Variants in YAF2 observed in about 807,000 individuals in gnomAD.
YAF2 encodes YY1-associated factor 2.
YAF2 carries 7 observed loss-of-function variants against 20.1 expected under a neutral mutation model. The ratio of observed to expected loss-of-function variants is 0.35; its 90% confidence interval spans 0.20 to 0.65. YAF2 has a LOEUF of 0.65. Ranked by LOEUF, YAF2 falls within the 30% of genes least tolerant of loss-of-function variation. YAF2 has a pLI of 0.69. For synonymous variants in YAF2, 74 were observed against 76.0 expected (o/e 0.97, Z 0.14); for missense variants, 151 against 219.2 (o/e 0.69, Z 1.96).
intron 2 of YAF2, among the ~76,000 whole-genome samples, chr12:42,210,105 T>C (rs551033215): frequency 5.9e-5 from 9 of 151,892 alleles, no homozygotes; most frequent in African/African-American, 2.2e-4. Flanking sequence ...GCCAACTAAA[T>C]GTATAATTTT....
chr12:42,161,943 G>T (rs904270870), intron 2 of YAF2, among the ~76,000 whole-genome samples, 178 bp from the exon 3 acceptor site: 1 of 151,834 alleles, frequency 6.6e-6, no homozygotes, highest in Non-Finnish European at 1.5e-5. Flanking sequence ...AGTTTTTCCC[G>T]TTCAACAAAA....
At chr12:42,199,835 AT>A in intron 2 of YAF2, among the ~76,000 whole-genome samples, 1 of 152,280 alleles carries the variant, frequency 6.6e-6, no homozygotes, top group East Asian at 1.9e-4. Context: ...AATAAAATAG[AT>A]TTTTGGGACC....
At chr12:42,190,669 T>C (rs533307873) in intron 2 of YAF2, among the ~76,000 whole-genome samples, 1 of 152,172 alleles carries the variant, frequency 6.6e-6, no homozygotes, top group African/African-American at 2.4e-5. Context: ...CTGTATGTTA[T>C]TCATGTCTTT....
At chr12:42,213,065 C>T (rs1286766074) in intron 2 of YAF2, among the ~76,000 whole-genome samples, 3 of 152,182 alleles carry the variant, frequency 2.0e-5, no homozygotes, top group Non-Finnish European at 4.4e-5. Flanking sequence ...CATTAAGAGC[C>T]AGGCACGGTG....
intron 2 of YAF2, among the ~76,000 whole-genome samples, chr12:42,214,918 C>A (rs1324202812): frequency 6.6e-6 from 1 of 152,020 alleles, no homozygotes; most frequent in Non-Finnish European, 1.5e-5. Context: ...GCAGGAGAAT[C>A]GTTTGAACCT....
rs866643007 is a variant in YAF2, at chr12:42,227,572, T to C, written c.152+10027A>G. 5.9e-3 allele frequency among the ~76,000 whole-genome samples: 764 copies of C among 130,540 alleles called. 1 individual carries two copies. Among genetic ancestry groups the C allele is most frequent in the African/African-American group, 0.022 (714 of 31,760 alleles). The allele number at this position is 130,540 out of a possible 152,430, so 85.6% of individuals were successfully genotyped here. ...GAGGAGCGTCTCTGCCCGGCCGCCC[T>C]GTCTGAGAAGTGAGGAGACCCTCTG... On this transcript the variant is annotated intron_variant, in intron 2 of 3. Transcript: ENST00000534854.
intron 2 of YAF2, among the ~76,000 whole-genome samples, chr12:42,230,713 A>G (rs756981223): frequency 3.9e-5 from 6 of 152,238 alleles, no homozygotes; most frequent in Non-Finnish European, 7.3e-5. Context: ...AGACAATGAC[A>G]GTTTCTAGCT....
At chr12:42,206,239 T>C (rs530425168) in intron 2 of YAF2, among the ~76,000 whole-genome samples, 8 of 149,004 alleles carry the variant, frequency 5.4e-5, no homozygotes, top group African/African-American at 2.0e-4. Flanking sequence ...TTTACATAAA[T>C]ATTTATTGTT....
At chr12:42,227,980 C>A (rs2137373899) in intron 2 of YAF2, among the ~76,000 whole-genome samples, 1 of 136,362 alleles carries the variant, frequency 7.3e-6, no homozygotes, top group South Asian at 2.4e-4. Context: ...GTGGGGGGGT[C>A]AGCCCCCCGC....
rs1459177962 is a variant in YAF2 at position 42,199,400 on chromosome 12, T to A, written c.153-37635A>T. On this transcript the variant is annotated intron_variant, in intron 2 of 3. Coordinates refer to ENST00000534854, the MANE Select transcript of YAF2 (RefSeq NM_005748.6). ...GTGACATAAACATTGTTCACTATGA[T>A]TTATTCAACTTTATCCTTTCTCAGT... The A allele has an allele frequency of 2.3e-5, 6 of 263,046 alleles. No individual in the cohort carries two copies. The East Asian group carries it at 7.0e-4, about 31-fold the overall frequency. The allele number at this position is 263,046 out of a possible 1,614,324, so 16.3% of individuals were successfully genotyped here.
At chr12:42,238,006 G>C in intron 1 of YAF2, 149 bp downstream of exon 1, 1 of 585,690 alleles carries the variant, frequency 1.7e-6, no homozygotes, top group Non-Finnish European at 2.4e-6. Flanking sequence ...GCCGGCGCCG[G>C]CCCCCTCAAG....
rs1199219198 is a variant in YAF2 at position 42,158,852 on chromosome 12, CCT to C, written c.*1735_*1736del. The C allele has an allele frequency of 1.3e-5, 2 of 151,872 alleles. No individual in the cohort carries two copies. The highest frequency in any genetic ancestry group is 2.9e-5 in the Non-Finnish European group (2 of 67,950). 9.4% of individuals were successfully genotyped at this position (151,872 alleles called of 1,614,324 possible). On this transcript the variant is annotated 3_prime_UTR_variant, in exon 4 of 4. Coordinates refer to ENST00000534854, the MANE Select transcript of YAF2 (RefSeq NM_005748.6). ...TTTGACTTAAAAATTAAATATTTTC[CCT>C]ATTACATTTTTAAATTTTTACTATC...
chr12:42,198,159 A>G (rs1044030611), intron 2 of YAF2, among the ~76,000 whole-genome samples: 13 of 152,328 alleles, frequency 8.5e-5, no homozygotes, highest in African/African-American at 2.4e-4. Context: ...GGTTCAGAGT[A>G]ATGACTTTAA....
chr12:42,192,297 C>T (rs746474717), intron 2 of YAF2, among the ~76,000 whole-genome samples: 16 of 151,490 alleles, frequency 1.1e-4, no homozygotes, highest in Non-Finnish European at 4.4e-5. Flanking sequence ...CTCCTGAGCC[C>T]AGGAGATCAA....
intron 2 of YAF2, among the ~76,000 whole-genome samples, chr12:42,227,813 G>A (rs1367820945): frequency 4.2e-5 from 6 of 141,274 alleles, no homozygotes; most frequent in East Asian, 2.4e-4. Flanking sequence ...TCAGCCCCCC[G>A]CCTGGCCAGC....
chr12:42,170,410 G>A (rs775122242), intron 2 of YAF2, among the ~76,000 whole-genome samples: 8 of 152,022 alleles, frequency 5.3e-5, no homozygotes, highest in Admixed American at 5.2e-4. Context: ...TTTATCTTGC[G>A]TATCTTAATG....
chr12:42,177,919 C>T (rs192604086), intron 2 of YAF2, among the ~76,000 whole-genome samples: 4 of 152,204 alleles, frequency 2.6e-5, no homozygotes, highest in Admixed American at 2.6e-4. Context: ...GCTTTATTTT[C>T]TTCAAAGCAC....
intron 2 of YAF2, among the ~76,000 whole-genome samples, chr12:42,207,620 C>T (rs890210995): frequency 6.6e-5 from 10 of 152,138 alleles, no homozygotes; most frequent in African/African-American, 9.7e-5. Context: ...AGGCTGGGCA[C>T]GGTGGCTCAT....
intron 2 of YAF2, among the ~76,000 whole-genome samples, chr12:42,200,098 A>AT (rs1265708781): frequency 1.3e-5 from 2 of 152,186 alleles, no homozygotes; most frequent in Non-Finnish European, 1.5e-5. Flanking sequence ...ATTACACTAA[A>AT]TTTTGGAGAC....
Sources: allele counts gnomAD v4.1 joint callset (sites outside exome capture counted in the v4.1 genomes callset), GRCh38; gene constraint gnomAD v4.1.1; transcripts MANE v1.5; gene names NCBI Gene and HGNC (gene_info 2026-07-23, HGNC 2026-07-21).